Variants in SLC13A3 observed in about 807,000 individuals in gnomAD.
SLC13A3 encodes Na(+)/dicarboxylate cotransporter 3.
A neutral mutation model predicts 59.0 loss-of-function variants in SLC13A3; 40 were observed. The observed-to-expected ratio is 0.68, with a 90% CI of 0.53 to 0.88. The LOEUF is 0.88. SLC13A3 is among the 40% of genes least tolerant of loss of function. The pLI is 0.00. For missense variants in SLC13A3, 699 were observed against 783.2 expected (o/e 0.89, Z 1.28); for synonymous variants, 317 against 330.3 (o/e 0.96, Z 0.44).
upstream of SLC13A3, among the ~76,000 whole-genome samples, chr20:46,674,606 T>TGCGCGCGCGCGC (rs2063113196): frequency 1.4e-5 from 1 of 73,938 alleles, no homozygotes; most frequent in East Asian, 6.1e-4. Context: ...CGCGCGCGCG[T>TGCGCGCGCGCGC]GTGTGTGTGT....
chr20:46,663,444 C>CA lies in SLC13A3; in HGVS notation c.-31+6598dup, dbSNP rs11086176. 2.4e-3 allele frequency among the ~76,000 whole-genome samples: 298 copies of CA among 122,080 alleles called. 1 individual carries two copies. Among genetic ancestry groups the CA allele is most frequent in the African/African-American group, 4.9e-3 (177 of 35,824 alleles). The allele number at this position is 122,080 out of a possible 152,430, so 80.1% of individuals were successfully genotyped here. A position where few individuals can be genotyped will look rare whatever the true frequency, so the allele number is the denominator to read the frequency against. On this transcript the variant is annotated intron_variant, in intron 1 of 12. Coordinates refer to the SLC13A3 transcript ENST00000290317. ...TGGGTGACAGATCGAGACCCTGTTT[C>CA]AAAAAAAAAAAAAAAGTTGGGGGGC...
chr20:46,562,750 T>C (rs750347540), intron 12 of SLC13A3, among the ~76,000 whole-genome samples: 12 of 152,108 alleles, frequency 7.9e-5, no homozygotes, highest in South Asian at 2.1e-4. Context: ...TCGTCTCTTC[T>C]CTGTTTGCTC....
At chr20:46,571,937 G>A (rs2062031958) in intron 10 of SLC13A3, among the ~76,000 whole-genome samples, 1 of 152,244 alleles carries the variant, frequency 6.6e-6, no homozygotes, top group East Asian at 1.9e-4. Context: ...CTGGAGGGGT[G>A]TTAGGAGGGA....
intron 1 of SLC13A3, among the ~76,000 whole-genome samples, chr20:46,628,054 G>A (rs2062695050): frequency 6.6e-6 from 1 of 152,154 alleles, no homozygotes; most frequent in Non-Finnish European, 1.5e-5. Flanking sequence ...TGGGCCTCCT[G>A]TTTCATGAAC....
At chr20:46,595,527 G>A (rs1040160833) in intron 5 of SLC13A3, among the ~76,000 whole-genome samples, 3 of 152,134 alleles carry the variant, frequency 2.0e-5, no homozygotes, top group African/African-American at 7.2e-5. Context: ...GGGCCATGAC[G>A]GCCACAGACC....
intron 6 of SLC13A3, 35 bp downstream of exon 6, chr20:46,592,369 C>T: frequency 6.2e-7 from 1 of 1,612,206 alleles, no homozygotes; most frequent in Non-Finnish European, 8.5e-7. Flanking sequence ...TTCCCTGCTT[C>T]CCCACTCTAT....
intron 1 of SLC13A3, among the ~76,000 whole-genome samples, chr20:46,634,359 C>T (rs770155229): frequency 1.3e-5 from 2 of 152,156 alleles, no homozygotes; most frequent in Non-Finnish European, 2.9e-5. Flanking sequence ...TTGAGGCCAC[C>T]GGGAAGTCTT....
chr20:46,563,633 GC>G, intron 11 of SLC13A3, 82 bp from the exon 12 acceptor site: 48 of 395,686 alleles, frequency 1.2e-4, no homozygotes, highest in Non-Finnish European at 1.6e-4. Context: ...AGAGAGAGAG[GC>G]AGTTGGAAAG....
At chr20:46,644,839 G>A (rs573379936) in intron 1 of SLC13A3, among the ~76,000 whole-genome samples, 34 of 152,320 alleles carry the variant, frequency 2.2e-4, no homozygotes, top group African/African-American at 7.9e-4. Flanking sequence ...TCAAAATTCA[G>A]AGGGAGACAT....
intron 9 of SLC13A3, 37 bp downstream of exon 9, chr20:46,583,535 A>G: frequency 6.2e-7 from 1 of 1,609,048 alleles, no homozygotes; most frequent in South Asian, 1.1e-5. Context: ...CGCAGTCCTC[A>G]CTGAGCCCAC....
intron 10 of SLC13A3, among the ~76,000 whole-genome samples, chr20:46,567,864 A>C (rs1263764090): frequency 5.3e-5 from 8 of 152,344 alleles, no homozygotes; most frequent in Admixed American, 4.6e-4. Context: ...TGCAACTGTG[A>C]TGCAGCAAGA....
At chr20:46,655,748 T>C (rs1208174454), upstream of SLC13A3, among the ~76,000 whole-genome samples, 3 of 145,570 alleles carry the variant, frequency 2.1e-5, no homozygotes, top group Non-Finnish European at 4.5e-5. Context: ...ATATACTATA[T>C]ATATATTTTA....
At chr20:46,636,242 C>A (rs570860934) in intron 1 of SLC13A3, among the ~76,000 whole-genome samples, 1 of 152,158 alleles carries the variant, frequency 6.6e-6, no homozygotes, top group African/African-American at 2.4e-5. Flanking sequence ...GCACTGGGAC[C>A]CCTTTCTGCC....
At chr20:46,632,919 C>CAGACAGA (rs1188975212) in intron 1 of SLC13A3, among the ~76,000 whole-genome samples, 1 of 7,052 alleles carries the variant, frequency 1.4e-4, no homozygotes, top group Admixed American at 1.7e-3. Context: ...ATATATCTAT[C>CAGACAGA]TATCTATCTA....
chr20:46,602,289 T>C (rs1476659480), intron 3 of SLC13A3, among the ~76,000 whole-genome samples: 1 of 152,186 alleles, frequency 6.6e-6, no homozygotes, highest in Non-Finnish European at 1.5e-5. Flanking sequence ...TGAGGTATGA[T>C]CATGCTACTG....
exon 1 of SLC13A3, chr20:46,670,061 G>A (rs1313399373): frequency 1.3e-5 from 2 of 152,176 alleles, no homozygotes; most frequent in Non-Finnish European, 2.9e-5. Flanking sequence ...TCTCCTAGAA[G>A]GTGCACTGGG....
intron 6 of SLC13A3, 50 bp downstream of exon 6, chr20:46,592,354 C>T (rs768381135): frequency 6.5e-5 from 105 of 1,607,400 alleles, no homozygotes; most frequent in Middle Eastern, 1.7e-4. Context: ...AGGTTAGAAA[C>T]GCCATTCCCT....
chr20:46,600,470 G>A (rs1485466761), intron 3 of SLC13A3: 1 of 185,248 alleles, frequency 5.4e-6, no homozygotes. Context: ...GAAAAGAAAG[G>A]TCATTCAGCA....
intron 1 of SLC13A3, 49 bp downstream of exon 1, chr20:46,651,262 G>A (rs940318118): frequency 2.1e-6 from 3 of 1,442,242 alleles, no homozygotes; most frequent in South Asian, 2.9e-5. Flanking sequence ...TGGGAGAAGA[G>A]GATCCCGCCT....
Sources: allele counts gnomAD v4.1 joint callset (sites outside exome capture counted in the v4.1 genomes callset), GRCh38; gene constraint gnomAD v4.1.1; transcripts MANE v1.5; gene names NCBI Gene and HGNC (gene_info 2026-07-23, HGNC 2026-07-21).